The following MAP3K15 variants were observed in gnomAD, a reference collection of about 807,000 sequenced individuals.
The protein encoded by MAP3K15 is mitogen-activated protein kinase kinase kinase 15.
In MAP3K15, 124 loss-of-function variants were observed where a neutral mutation model predicts 99.5. The ratio of observed to expected loss-of-function variants is 1.25; its 90% CI spans 1.08 to 1.45. The LOEUF (loss-of-function observed/expected upper bound fraction) is 1.45, where lower values mean the gene tolerates loss of function less well. Ranked by LOEUF, MAP3K15 falls within the 40% of genes most tolerant of loss-of-function variation. The pLI is 0.00. For synonymous variants in MAP3K15, 494 were observed against 439.6 expected, an observed-to-expected ratio of 1.12 and a Z score of -1.55; for missense variants, 1,242 against 1,079.7, an observed-to-expected ratio of 1.15 and a Z score of -2.11.
intron 7 of MAP3K15, among the ~76,000 whole-genome samples, 157 bp from the exon 8 acceptor site, chrX:19,426,500 C>A (rs1041520759): frequency 9.0e-6 from 1 of 111,199 alleles, no homozygotes; most frequent in African/African-American, 3.3e-5. Flanking sequence ...CAGCCACATG[C>A]AGCTCTCTAG....
In MAP3K15 at chrX:19,361,336, T is replaced by TA. The variant is rs1184403880; in HGVS notation, c.3857+2dup. 1.7e-6 allele frequency: 2 copies of TA among 1,194,115 alleles called. No individual in the cohort carries two copies. The highest frequency in any genetic ancestry group is 3.0e-5 in the East Asian group (1 of 33,756). On this transcript the variant is annotated splice_region_variant and intron_variant, in intron 28 of 28. Coordinates refer to ENST00000338883, the MANE Select transcript of MAP3K15 (RefSeq NM_001001671.4). Reference sequence around the variant, plus strand: ...CTTATACAAACTGTTTTGAGGCTCTTACCGTAGTCGAAGGTATCTTAGATC... The same window carrying TA: ...CTTATACAAACTGTTTTGAGGCTCTTAACCGTAGTCGAAGGTATCTTAGATC...
At chrX:19,431,350 T>C (rs897020791) in intron 7 of MAP3K15, 88 bp downstream of exon 7, 2 of 884,894 alleles carry the variant, frequency 2.3e-6, no homozygotes, top group African/African-American at 4.0e-5. Flanking sequence ...GACAGACATA[T>C]ACATAAGGAA....
chrX:19,380,658 TG>T (rs1296333539), intron 18 of MAP3K15, among the ~76,000 whole-genome samples: 1 of 111,854 alleles, frequency 8.9e-6, no homozygotes, highest in Non-Finnish European at 1.9e-5. Context: ...CCCAAGTAGT[TG>T]GGATTAGAGG....
In MAP3K15 at chrX:19,442,090, G is replaced by A. The variant is rs139727554; in HGVS notation, c.996-10482C>T. On this transcript the variant is annotated intron_variant, in intron 6 of 28. Transcript: ENST00000338883. Reference sequence around the variant, plus strand: ...ATACACAAGTCAACACCACCGAGGCGGCAGGGGTTCCCTCGGTCAGGAAGA... The same window carrying A: ...ATACACAAGTCAACACCACCGAGGCAGCAGGGGTTCCCTCGGTCAGGAAGA... Among the ~76,000 whole-genome samples, 963 of 111,648 alleles carry A rather than the reference G, an allele frequency of 8.6e-3. 37 individuals are homozygous for A. The highest frequency in any genetic ancestry group is 0.086 in the Admixed American group (904 of 10,482).
chrX:19,410,310 C>G (rs972427574), intron 11 of MAP3K15, among the ~76,000 whole-genome samples: 1 of 112,453 alleles, frequency 8.9e-6, no homozygotes, highest in African/African-American at 3.2e-5. Context: ...TGGGACTAGC[C>G]CACCTAAGTT....
intron 1 of MAP3K15, among the ~76,000 whole-genome samples, chrX:19,494,878 T>TAAA (rs760808925): frequency 5.4e-5 from 5 of 92,465 alleles, no homozygotes; most frequent in Admixed American, 1.2e-4. Context: ...AAGCTACCTT[T>TAAA]AAAAAAAAAA....
intron 1 of MAP3K15, among the ~76,000 whole-genome samples, chrX:19,506,305 A>T (rs1233283995): frequency 1.8e-5 from 2 of 109,544 alleles, no homozygotes; most frequent in Admixed American, 2.0e-4. Context: ...CCTGACCTCA[A>T]GTGATCCACC....
intron 3 of MAP3K15, among the ~76,000 whole-genome samples, chrX:19,476,043 T>A (rs2064240458): frequency 8.9e-6 from 1 of 112,172 alleles, no homozygotes; most frequent in African/African-American, 3.2e-5. Context: ...AGCACAGGGT[T>A]TATAAATTAA....
intron 15 of MAP3K15, among the ~76,000 whole-genome samples, chrX:19,396,359 C>T (rs963086206): frequency 8.9e-6 from 1 of 112,117 alleles, no homozygotes; most frequent in African/African-American, 3.2e-5. Context: ...AAAGCTAGAA[C>T]AGCTATTGCT....
chrX:19,424,607 T>C (rs1453626174), intron 9 of MAP3K15, among the ~76,000 whole-genome samples: 1 of 110,776 alleles, frequency 9.0e-6, no homozygotes, highest in Non-Finnish European at 1.9e-5. Flanking sequence ...GGCCAGAAAT[T>C]CTGAGAGTGG....
At chrX:19,510,918 A>G (rs2064513424) in intron 1 of MAP3K15, among the ~76,000 whole-genome samples, 1 of 112,173 alleles carries the variant, frequency 8.9e-6, no homozygotes, top group East Asian at 2.8e-4. Context: ...ACAGAGCCAA[A>G]TCATGAGTGA....
chrX:19,433,792 C>A (rs1361415897), intron 6 of MAP3K15, among the ~76,000 whole-genome samples: 1 of 112,167 alleles, frequency 8.9e-6, no homozygotes, highest in Non-Finnish European at 1.9e-5. Flanking sequence ...CTTCTAGAAT[C>A]TGTAATATGT....
At chrX:19,387,899 C>T (rs1448486862) in intron 18 of MAP3K15, among the ~76,000 whole-genome samples, 1 of 112,511 alleles carries the variant, frequency 8.9e-6, no homozygotes, top group Non-Finnish European at 1.9e-5. Context: ...CCCCTGCCCA[C>T]GACACAGGAG....
At chrX:19,475,185 A>G (rs1013061579) in intron 3 of MAP3K15, among the ~76,000 whole-genome samples, 6 of 111,306 alleles carry the variant, frequency 5.4e-5, no homozygotes, top group Admixed American at 3.8e-4. Flanking sequence ...GATGGGACAC[A>G]GTGAGAGATC....
At chrX:19,400,441 G>A (rs1007663236) in intron 14 of MAP3K15, 135 bp downstream of exon 14, 2 of 410,917 alleles carry the variant, frequency 4.9e-6, no homozygotes, top group African/African-American at 5.0e-5. Context: ...CATTATCTCT[G>A]GGAACCATGC....
intron 6 of MAP3K15, among the ~76,000 whole-genome samples, chrX:19,434,144 A>G (rs928875128): frequency 8.9e-6 from 1 of 112,342 alleles, no homozygotes; most frequent in Non-Finnish European, 1.9e-5. Context: ...TGGGATTTAT[A>G]CAAGGTGGTC....
intron 3 of MAP3K15, among the ~76,000 whole-genome samples, chrX:19,485,224 G>A (rs960210227): frequency 1.0e-5 from 1 of 96,993 alleles, no homozygotes; most frequent in African/African-American, 4.0e-5. Flanking sequence ...CAGGAGAATC[G>A]CTTGAACCCT....
At chrX:19,372,250 T>TCC in intron 22 of MAP3K15, among the ~76,000 whole-genome samples, 1 of 110,954 alleles carries the variant, frequency 9.0e-6, no homozygotes, top group East Asian at 2.8e-4. Context: ...ATAACCACCC[T>TCC]CCCCAAGGTG....
chrX:19,391,674 CA>C (rs759061873), intron 18 of MAP3K15, among the ~76,000 whole-genome samples: 4,334 of 28,337 alleles, frequency 0.15, 119 homozygotes, highest in African/African-American at 0.33. Flanking sequence ...GACCCCGTCT[CA>C]AAAAAAAAAA....
Sources: gnomAD v4.1 joint callset for allele counts (sites outside exome capture counted in the v4.1 genomes callset) on GRCh38, gnomAD v4.1.1 for gene constraint, MANE v1.5 for transcripts, NCBI Gene and HGNC (gene_info 2026-07-23, HGNC 2026-07-21) for gene names.